FHOD3: variants seen among roughly 807,000 people sequenced by gnomAD.
The protein encoded by FHOD3 is FH1/FH2 domain-containing protein 3.
In FHOD3, 90 loss-of-function variants were observed where a neutral mutation model predicts 173.0. That is an observed-to-expected ratio of 0.52 (90% CI 0.44 to 0.62). The LOEUF is 0.62. Ranked by LOEUF, FHOD3 falls within the 20% of genes least tolerant of loss-of-function variation. The pLI, the probability that FHOD3 is intolerant of heterozygous loss-of-function variation, is 0.00. For synonymous variants in FHOD3, 828 were observed against 823.0 expected (o/e 1.01, Z -0.10); for missense variants, 1,945 against 2,034.7 (o/e 0.96, Z 0.85).
At position 36,740,814 on chromosome 18, in the gene FHOD3, A is replaced by C. The variant is rs1425684293; in HGVS notation, c.3735A>C (p.Lys1245Asn). Residue 1245 changes from lysine (K) to asparagine (N), a missense_variant, in exon 21 of 29, where the codon AAA becomes AAC. Transcript: ENST00000590592. Reference sequence around the variant, plus strand: ...CACGACTTCACCTCTGGGCATTCAAAATGGATTATGAAACTACAGAAAAGG... The same window carrying C: ...CACGACTTCACCTCTGGGCATTCAACATGGATTATGAAACTACAGAAAAGG... The part of the protein sequence containing the change: ...LSARLHLWAF[K>N]MDYETTEKEV... 1.9e-6 allele frequency: 3 copies of C among 1,611,552 alleles called. No homozygotes were observed. Among genetic ancestry groups the C allele is most frequent in the Admixed American group, 3.4e-5 (2 of 58,966 alleles).
At chr18:36,633,706 G>A (rs895385938) in intron 10 of FHOD3, among the ~76,000 whole-genome samples, 14 of 152,258 alleles carry the variant, frequency 9.2e-5, no homozygotes, top group Admixed American at 1.3e-4. Flanking sequence ...TATAGAATGT[G>A]TTCAGTAATG....
chr18:36,484,559 T>G (rs1013715216), intron 3 of FHOD3, among the ~76,000 whole-genome samples: 2 of 152,126 alleles, frequency 1.3e-5, no homozygotes, highest in Non-Finnish European at 2.9e-5. Flanking sequence ...ACAGGCCTCC[T>G]CATAATTTTC....
chr18:36,621,880 T>C (rs529938186), intron 9 of FHOD3, among the ~76,000 whole-genome samples: 1 of 152,356 alleles, frequency 6.6e-6, no homozygotes, highest in Non-Finnish European at 1.5e-5. Context: ...TGGAGAAATA[T>C]TGGTACTCCC....
At chr18:36,404,345 A>G (rs2048962822) in intron 3 of FHOD3, among the ~76,000 whole-genome samples, 2 of 152,190 alleles carry the variant, frequency 1.3e-5, no homozygotes, top group Admixed American at 6.5e-5. Flanking sequence ...TGACCTCTCC[A>G]GGTGTCTGCT....
intron 5 of FHOD3, among the ~76,000 whole-genome samples, chr18:36,543,525 C>G (rs918551009): frequency 6.6e-6 from 1 of 152,094 alleles, no homozygotes; most frequent in Non-Finnish European, 1.5e-5. Flanking sequence ...GAGGAACAGC[C>G]AAGAAGAAAC....
intron 10 of FHOD3, among the ~76,000 whole-genome samples, chr18:36,632,338 A>G (rs1178381434): frequency 2.0e-5 from 3 of 152,214 alleles, no homozygotes; most frequent in Non-Finnish European, 2.9e-5. Flanking sequence ...TTCATTAGCT[A>G]TTAACATTTC....
intron 5 of FHOD3, among the ~76,000 whole-genome samples, chr18:36,545,865 A>G (rs529729156): frequency 1.3e-5 from 2 of 152,358 alleles, no homozygotes; most frequent in East Asian, 3.9e-4. Context: ...ATCTACTTTG[A>G]TATAAAAATT....
intron 24 of FHOD3, among the ~76,000 whole-genome samples, chr18:36,752,634 T>C (rs938164029): frequency 1.3e-5 from 2 of 152,274 alleles, no homozygotes; most frequent in Non-Finnish European, 2.9e-5. Context: ...TTTTCAAATG[T>C]ATATCTGGAT....
At chr18:36,473,597 A>G (rs1471587250) in intron 3 of FHOD3, among the ~76,000 whole-genome samples, 8 of 152,234 alleles carry the variant, frequency 5.3e-5, no homozygotes, top group Non-Finnish European at 7.3e-5. Context: ...ATTCCTCAGT[A>G]TCACTTCTGA....
chr18:36,654,218 A>G (rs894504876), intron 13 of FHOD3, among the ~76,000 whole-genome samples: 7 of 152,226 alleles, frequency 4.6e-5, no homozygotes, highest in Admixed American at 2.6e-4. Flanking sequence ...ATGAAGGCTT[A>G]TAGGACCTGA....
intron 3 of FHOD3, among the ~76,000 whole-genome samples, chr18:36,392,693 C>T (rs2048361801): frequency 6.6e-6 from 1 of 152,244 alleles, no homozygotes; most frequent in Admixed American, 6.5e-5. Flanking sequence ...TCCGCTTCGT[C>T]TGATCTTGTC....
chr18:36,649,505 A>G (rs1407275764), intron 11 of FHOD3, 100 bp downstream of exon 11: 1 of 843,972 alleles, frequency 1.2e-6, no homozygotes, highest in East Asian at 2.8e-5. Flanking sequence ...TTCCTCATTG[A>G]CTCCCACTTG....
intron 14 of FHOD3, among the ~76,000 whole-genome samples, chr18:36,680,330 G>C (rs1185050141): frequency 6.6e-6 from 1 of 152,190 alleles, no homozygotes; most frequent in Non-Finnish European, 1.5e-5. Context: ...ACTGAGATCT[G>C]TGTTCCCCAC....
At chr18:36,489,239 G>GGTTT (rs34895964) in intron 3 of FHOD3, among the ~76,000 whole-genome samples, 1 of 151,234 alleles carries the variant, frequency 6.6e-6, no homozygotes, top group African/African-American at 2.4e-5. Context: ...AGAGAGAATG[G>GGTTT]GTTTGTTTGT....
chr18:36,773,216 CAG>C (rs1268527392), intron 28 of FHOD3, among the ~76,000 whole-genome samples: 3 of 152,208 alleles, frequency 2.0e-5, no homozygotes, highest in Admixed American at 6.5e-5. Flanking sequence ...CCCTCCCAAA[CAG>C]GGGGAACTGA....
chr18:36,738,834 G>T (rs1007423880), intron 20 of FHOD3, among the ~76,000 whole-genome samples: 1 of 152,088 alleles, frequency 6.6e-6, no homozygotes, highest in Admixed American at 6.5e-5. Context: ...AATTACTATA[G>T]CTTTTTATTT....
chr18:36,715,991 T>TG (rs879387915), intron 18 of FHOD3, among the ~76,000 whole-genome samples: 5 of 152,276 alleles, frequency 3.3e-5, no homozygotes, highest in Non-Finnish European at 7.4e-5. Context: ...CATGTGTGTC[T>TG]GGGGGTCAGG....
intron 10 of FHOD3, among the ~76,000 whole-genome samples, chr18:36,638,919 T>A (rs138848477): frequency 6.6e-6 from 1 of 152,320 alleles, no homozygotes; most frequent in Non-Finnish European, 1.5e-5. Context: ...GATTAGTCAT[T>A]GTACAACTTC....
At chr18:36,592,920 C>A (rs1278741148) in intron 6 of FHOD3, among the ~76,000 whole-genome samples, 1 of 152,100 alleles carries the variant, frequency 6.6e-6, no homozygotes, top group Non-Finnish European at 1.5e-5. Flanking sequence ...GCCTGGAGTG[C>A]AATATTTAGC....
Sources: gnomAD v4.1 joint callset for allele counts (sites outside exome capture counted in the v4.1 genomes callset) on GRCh38, gnomAD v4.1.1 for gene constraint, MANE v1.5 for transcripts, NCBI Gene and HGNC (gene_info 2026-07-23, HGNC 2026-07-21) for gene names.